The following PRKX variants were observed in gnomAD, a reference collection of about 807,000 sequenced individuals.
PRKX encodes the protein protein kinase cAMP-dependent X-linked catalytic subunit.
Under a neutral mutation model 22.0 loss-of-function variants are expected in PRKX, and 12 were observed. The observed-to-expected ratio is 0.54, with a 90% confidence interval of 0.35 to 0.88. PRKX has a LOEUF of 0.88. Ranked by LOEUF, PRKX falls within the 40% of genes least tolerant of loss-of-function variation. The pLI is 0.01. For missense variants in PRKX, 217 were observed against 308.0 expected (o/e 0.70, Z 2.21); for synonymous variants, 134 against 137.7 (o/e 0.97, Z 0.19).
chrX:3,654,707 C>T (rs1306404337), intron 3 of PRKX, among the ~76,000 whole-genome samples: 3 of 109,020 alleles, frequency 2.8e-5, no homozygotes, highest in Non-Finnish European at 5.7e-5. Context: ...GTCTCAAACT[C>T]CTGGGCTCAA....
intron 3 of PRKX, among the ~76,000 whole-genome samples, chrX:3,652,575 C>T (rs1184361620): frequency 9.0e-6 from 1 of 110,927 alleles, no homozygotes; most frequent in Non-Finnish European, 1.9e-5. Flanking sequence ...CAGAGCGAGA[C>T]TTCGTCCCAA....
intron 1 of PRKX, among the ~76,000 whole-genome samples, chrX:3,689,953 C>T (rs760327646): frequency 2.7e-5 from 3 of 109,823 alleles, no homozygotes; most frequent in African/African-American, 3.3e-5. Context: ...CTCCAGCCTG[C>T]GTGACAGAGC....
At chrX:3,637,287 G>A (rs1339890327) in intron 4 of PRKX, among the ~76,000 whole-genome samples, 2 of 111,568 alleles carry the variant, frequency 1.8e-5, no homozygotes, top group Admixed American at 9.5e-5. Context: ...CAGGCAGACC[G>A]TCTCAGAACC....
intron 1 of PRKX, among the ~76,000 whole-genome samples, chrX:3,685,747 A>G (rs747803537): frequency 7.2e-5 from 8 of 110,833 alleles, no homozygotes; most frequent in Non-Finnish European, 1.1e-4. Context: ...TTAAAAAAAA[A>G]AAGAAAAAGT....
chrX:3,618,210 T>C (rs185119782), intron 6 of PRKX, among the ~76,000 whole-genome samples: 1 of 109,956 alleles, frequency 9.1e-6, no homozygotes, highest in African/African-American at 3.3e-5. Context: ...GGGGCTGAGA[T>C]GGGAAGTCAT....
Position 3,691,192 on chromosome X carries a change from G to A in PRKX, c.167-16426C>T, listed in dbSNP as rs144178280. Among the ~76,000 whole-genome samples the A allele has an allele frequency of 3.8e-3, 420 of 111,710 alleles. 3 individuals are homozygous for A. Among genetic ancestry groups the A allele is most frequent in the African/African-American group, 0.013 (396 of 30,760 alleles). On this transcript the variant is annotated intron_variant, in intron 1 of 8. Transcript: ENST00000262848. The stretch of plus-strand genomic sequence containing the variant: ...CTGCAGAAAGCGTACTTGCAGAAGC[G>A]AGAACAAAGGCAGTTAATTACTCTT...
At chrX:3,626,261 C>G (rs1303233883) in intron 5 of PRKX, among the ~76,000 whole-genome samples, 158 bp downstream of exon 5, 1 of 112,510 alleles carries the variant, frequency 8.9e-6, no homozygotes, top group East Asian at 2.8e-4. Flanking sequence ...TACTGAAAAT[C>G]TTTTTCTTTT....
intron 3 of PRKX, among the ~76,000 whole-genome samples, chrX:3,652,650 C>T (rs984352436): frequency 8.9e-6 from 1 of 111,875 alleles, no homozygotes; most frequent in Non-Finnish European, 1.9e-5. Flanking sequence ...TGTGTGTGTA[C>T]GGAAACATAT....
chrX:3,681,959 A>C (rs1928081615), intron 1 of PRKX, among the ~76,000 whole-genome samples: 1 of 111,137 alleles, frequency 9.0e-6, no homozygotes, highest in Non-Finnish European at 1.9e-5. Flanking sequence ...ACACGGATTT[A>C]AGTTTCTTTG....
chrX:3,633,518 G>T (rs112701900), intron 4 of PRKX, among the ~76,000 whole-genome samples: 3 of 111,081 alleles, frequency 2.7e-5, no homozygotes, highest in African/African-American at 9.8e-5. Context: ...AGCTGTGACT[G>T]CACCACTGCA....
intron 1 of PRKX, among the ~76,000 whole-genome samples, chrX:3,712,778 A>T (rs747221634): frequency 9.4e-4 from 106 of 112,535 alleles, no homozygotes; most frequent in Non-Finnish European, 1.2e-3. Flanking sequence ...AGGTTTTGTG[A>T]CGTCGGACGG....
chrX:3,626,584 T>C (rs1400243347), intron 4 of PRKX, 70 bp from the exon 5 acceptor site: 88 of 771,600 alleles, frequency 1.1e-4, no homozygotes, highest in Middle Eastern at 5.7e-4. Flanking sequence ...TTTGTAACGA[T>C]AGCTATTTCT....
intron 1 of PRKX, among the ~76,000 whole-genome samples, chrX:3,694,201 A>C (rs1204570602): frequency 9.3e-6 from 1 of 108,097 alleles, no homozygotes; most frequent in African/African-American, 3.4e-5. Flanking sequence ...AGCCTGGCCA[A>C]CATGGTGAAA....
At chrX:3,618,257 C>T (rs1661077599) in intron 6 of PRKX, among the ~76,000 whole-genome samples, 1 of 110,358 alleles carries the variant, frequency 9.1e-6, no homozygotes, top group Admixed American at 9.7e-5. Context: ...ACAGGAGGAA[C>T]AAGTTCAGTC....
chrX:3,653,723 CTA>C (rs1284995551), intron 3 of PRKX, among the ~76,000 whole-genome samples: 5 of 56,527 alleles, frequency 8.8e-5, no homozygotes, highest in African/African-American at 3.3e-4. Flanking sequence ...ATATAATATA[CTA>C]TGTGATATAT....
intron 1 of PRKX, among the ~76,000 whole-genome samples, chrX:3,704,616 C>A (rs781497989): frequency 6.3e-4 from 69 of 110,291 alleles, no homozygotes; most frequent in Non-Finnish European, 1.2e-3. Flanking sequence ...GCAGTGACAC[C>A]ACGTCACTGC....
chrX:3,683,703 G>C (rs1037429829), intron 1 of PRKX, among the ~76,000 whole-genome samples: 2 of 111,214 alleles, frequency 1.8e-5, no homozygotes, highest in Non-Finnish European at 3.8e-5. Flanking sequence ...CCCAGGTGTG[G>C]TGGTGCACAG....
chrX:3,646,615 T>C (rs992457485), intron 3 of PRKX, among the ~76,000 whole-genome samples: 8 of 111,895 alleles, frequency 7.1e-5, no homozygotes, highest in Non-Finnish European at 1.5e-4. Context: ...GTGAAAATAC[T>C]ACATTGCCTT....
At chrX:3,613,280 T>C (rs1926345376) in intron 7 of PRKX, among the ~76,000 whole-genome samples, 1 of 108,017 alleles carries the variant, frequency 9.3e-6, no homozygotes, top group African/African-American at 3.3e-5. Flanking sequence ...TACGCTACTC[T>C]AGATTTGTAT....
Sources: allele counts gnomAD v4.1 joint callset (sites outside exome capture counted in the v4.1 genomes callset), GRCh38; gene constraint gnomAD v4.1.1; transcripts MANE v1.5; gene names NCBI Gene and HGNC (gene_info 2026-07-23, HGNC 2026-07-21).